Variants in SYNPO2 observed in about 807,000 individuals in gnomAD.
SYNPO2 encodes the protein synaptopodin-2.
SYNPO2 carries 56 observed loss-of-function variants against 85.0 expected under a neutral mutation model. That is an observed-to-expected ratio of 0.66 (90% CI 0.53 to 0.82). The LOEUF (loss-of-function observed/expected upper bound fraction) is 0.82, where lower values mean the gene tolerates loss of function less well. Ranked by LOEUF, SYNPO2 falls within the 40% of genes least tolerant of loss-of-function variation. The pLI is 0.00. For synonymous variants in SYNPO2, 602 were observed against 591.1 expected (o/e 1.02, Z -0.27); for missense variants, 1,575 against 1,534.2 (o/e 1.03, Z -0.44).
intron 1 of SYNPO2, among the ~76,000 whole-genome samples, chr4:118,872,191 AG>A (rs2110573028): frequency 6.6e-6 from 1 of 152,340 alleles, no homozygotes; most frequent in African/African-American, 2.4e-5. Context: ...GCAGTGGTGA[AG>A]TCAGGGTTTT....
intron 1 of SYNPO2, among the ~76,000 whole-genome samples, chr4:118,860,300 G>A (rs971207810): frequency 6.6e-6 from 1 of 152,104 alleles, no homozygotes; most frequent in African/African-American, 2.4e-5. Context: ...CTGGAGTGTA[G>A]TGGCATGATC....
chr4:118,968,542 A>G (rs1735401586), intron 1 of SYNPO2, among the ~76,000 whole-genome samples: 1 of 152,208 alleles, frequency 6.6e-6, no homozygotes, highest in South Asian at 2.1e-4. Context: ...GAAAGCACCC[A>G]TAGGCATTTG....
intron 1 of SYNPO2, among the ~76,000 whole-genome samples, chr4:119,016,205 C>T (rs116562139): frequency 0.029 from 4,357 of 152,028 alleles, 96 homozygotes; most frequent in Non-Finnish European, 0.042. Flanking sequence ...GTCCAGTATA[C>T]GAGGTCAGGA....
intron 1 of SYNPO2, among the ~76,000 whole-genome samples, chr4:118,911,642 A>C (rs1344787407): frequency 6.6e-6 from 1 of 152,182 alleles, no homozygotes; most frequent in African/African-American, 2.4e-5. Flanking sequence ...TCTGTGTAAG[A>C]GTCAAAGGAA....
chr4:118,983,397 T>C (rs1736104324), intron 1 of SYNPO2, among the ~76,000 whole-genome samples: 1 of 152,136 alleles, frequency 6.6e-6, no homozygotes, highest in Admixed American at 6.5e-5. Flanking sequence ...TCCTTTACTA[T>C]TTCCCTTGCA....
intron 2 of SYNPO2, among the ~76,000 whole-genome samples, chr4:119,026,053 G>C (rs1234582695): frequency 1.3e-5 from 2 of 152,162 alleles, no homozygotes; most frequent in African/African-American, 4.8e-5. Flanking sequence ...GCACGGAAAG[G>C]ATTTCTCTTT....
chr4:118,925,187 C>A (rs142133756), intron 1 of SYNPO2, among the ~76,000 whole-genome samples: 262 of 152,058 alleles, frequency 1.7e-3, no homozygotes, highest in African/African-American at 6.0e-3. Context: ...CATGGTTATT[C>A]AAAAAAATGT....
chr4:118,893,040 T>C (rs377283727), intron 1 of SYNPO2, among the ~76,000 whole-genome samples: 3 of 152,258 alleles, frequency 2.0e-5, no homozygotes, highest in African/African-American at 7.2e-5. Flanking sequence ...GGGAAAAAGA[T>C]TTTAATGTGT....
intron 1 of SYNPO2, among the ~76,000 whole-genome samples, chr4:118,986,412 C>T (rs1330616515): frequency 6.6e-6 from 1 of 152,216 alleles, no homozygotes; most frequent in Non-Finnish European, 1.5e-5. Context: ...AATGCCAATT[C>T]AAACTTGAAT....
chr4:118,885,421 G>T (rs745822934), upstream of SYNPO2, among the ~76,000 whole-genome samples: 1 of 151,976 alleles, frequency 6.6e-6, no homozygotes, highest in African/African-American at 2.4e-5. Flanking sequence ...AGTAGGAAAT[G>T]AGGGAAGGAG....
At chr4:118,998,477 A>G (rs112884121) in intron 1 of SYNPO2, among the ~76,000 whole-genome samples, 226 of 152,342 alleles carry the variant, frequency 1.5e-3, no homozygotes, top group African/African-American at 5.4e-3. Context: ...GCTTCTTAGG[A>G]GCCAGAGAAT....
chr4:119,007,241 T>C lies in SYNPO2; in HGVS notation c.106-16189T>C, dbSNP rs1386798739. Among the ~76,000 whole-genome samples the C allele has an allele frequency of 1.8e-3, 70 of 39,812 alleles. 2 individuals carry two copies. The highest frequency in any genetic ancestry group is 5.1e-3 in the African/African-American group (46 of 8,974). The allele number at this position is 39,812 out of a possible 152,430, so 26.1% of individuals were successfully genotyped here. A position where few individuals can be genotyped will look rare whatever the true frequency, so the allele number is the denominator to read the frequency against. On this transcript the variant is annotated intron_variant, in intron 1 of 4. Transcript: ENST00000307142. ...GTATATATATATATATATATATATA[T>C]ATATGTATATACATATATATATATA...
intron 1 of SYNPO2, among the ~76,000 whole-genome samples, chr4:118,871,019 A>T (rs1560807749): frequency 6.6e-6 from 1 of 152,246 alleles, no homozygotes; most frequent in Non-Finnish European, 1.5e-5. Context: ...TCAGCAGCAG[A>T]GCTAGGGTTT....
In SYNPO2 at chr4:118,906,661, T is replaced by C. The variant is rs112504681; in HGVS notation, c.105+17520T>C. ...TGTTTGGGGATTTTATTTGAATTTC[T>C]CCAAATTATAATTTGTATCTTTGTT... On this transcript the variant is annotated intron_variant, in intron 1 of 4. Coordinates refer to ENST00000307142, the MANE Select transcript of SYNPO2 (RefSeq NM_133477.3). Among the ~76,000 whole-genome samples, 590 of 152,264 alleles carry C rather than the reference T, an allele frequency of 3.9e-3. 4 individuals carry two copies. Among genetic ancestry groups the C allele is most frequent in the African/African-American group, 0.013 (531 of 41,554 alleles).
chr4:118,862,549 G>A (rs1288087342), intron 1 of SYNPO2, among the ~76,000 whole-genome samples: 1 of 152,080 alleles, frequency 6.6e-6, no homozygotes, highest in African/African-American at 2.4e-5. Flanking sequence ...ATGTTGAATT[G>A]TATCAAATGC....
At chr4:118,963,280 T>C (rs1411210401) in intron 1 of SYNPO2, among the ~76,000 whole-genome samples, 1 of 152,144 alleles carries the variant, frequency 6.6e-6, no homozygotes, top group Non-Finnish European at 1.5e-5. Flanking sequence ...CTAGGAAAAA[T>C]AAACTTTTAT....
At chr4:118,858,583 T>C (rs1485882971) in intron 1 of SYNPO2, among the ~76,000 whole-genome samples, 1 of 152,086 alleles carries the variant, frequency 6.6e-6, no homozygotes, top group Non-Finnish European at 1.5e-5. Context: ...TCAGAGCCAG[T>C]GTGAGGGCAC....
chr4:118,951,817 A>G (rs538872174), intron 1 of SYNPO2, among the ~76,000 whole-genome samples: 103 of 152,304 alleles, frequency 6.8e-4, no homozygotes, highest in Non-Finnish European at 9.1e-4. Flanking sequence ...TTGAAGATTA[A>G]AATATAAACT....
At chr4:118,994,073 C>A (rs1736503209) in intron 1 of SYNPO2, among the ~76,000 whole-genome samples, 1 of 152,226 alleles carries the variant, frequency 6.6e-6, no homozygotes, top group Non-Finnish European at 1.5e-5. Context: ...TCACTACCAC[C>A]ATATTAGGCC....
Sources: gnomAD v4.1 joint callset for allele counts (sites outside exome capture counted in the v4.1 genomes callset) on GRCh38, gnomAD v4.1.1 for gene constraint, MANE v1.5 for transcripts, NCBI Gene and HGNC (gene_info 2026-07-23, HGNC 2026-07-21) for gene names.